The following FRMD5 variants were observed in gnomAD, a reference collection of about 807,000 sequenced individuals.
FRMD5 encodes FERM domain-containing protein 5.
FRMD5 carries 20 observed loss-of-function variants against 69.0 expected under a neutral mutation model. The observed-to-expected ratio is 0.29, with a 90% confidence interval of 0.20 to 0.42. The LOEUF is 0.42. Among genes scored for constraint, FRMD5 ranks in the 10% least tolerant of loss-of-function variants. The pLI, the probability that FRMD5 is intolerant of heterozygous loss-of-function variation, is 1.00. For missense variants in FRMD5, 595 were observed against 708.6 expected (o/e 0.84, Z 1.82); for synonymous variants, 271 against 260.1 (o/e 1.04, Z -0.40).
intron 1 of FRMD5, among the ~76,000 whole-genome samples, chr15:44,169,276 C>G (rs140399321): frequency 6.6e-6 from 1 of 151,974 alleles, no homozygotes; most frequent in Non-Finnish European, 1.5e-5. Context: ...CTATCTTCCA[C>G]AAGGAAAATG....
At chr15:44,183,536 C>A (rs536175610) in intron 1 of FRMD5, among the ~76,000 whole-genome samples, 7 of 152,244 alleles carry the variant, frequency 4.6e-5, no homozygotes, top group Admixed American at 1.3e-4. Flanking sequence ...ATACCCAGCA[C>A]CAGTGCACTG....
At chr15:44,156,206 T>C (rs1448684358) in intron 1 of FRMD5, among the ~76,000 whole-genome samples, 1 of 151,802 alleles carries the variant, frequency 6.6e-6, no homozygotes, top group Non-Finnish European at 1.5e-5. Context: ...TGCAGTGGCA[T>C]GATCTCGGCT....
At chr15:44,108,165 A>G (rs2076745708) in intron 1 of FRMD5, among the ~76,000 whole-genome samples, 1 of 152,206 alleles carries the variant, frequency 6.6e-6, no homozygotes, top group South Asian at 2.1e-4. Context: ...AGAAATTGTA[A>G]ATAGTCTGCT....
chr15:43,958,477 G>A (rs1201463656), intron 1 of FRMD5, among the ~76,000 whole-genome samples: 1 of 152,204 alleles, frequency 6.6e-6, no homozygotes, highest in Non-Finnish European at 1.5e-5. Context: ...CAGGAGCGCA[G>A]TGGCAACATC....
chr15:43,978,644 C>T (rs370867197), intron 1 of FRMD5, among the ~76,000 whole-genome samples: 5 of 152,132 alleles, frequency 3.3e-5, no homozygotes, highest in African/African-American at 7.2e-5. Flanking sequence ...CTTCACCTCC[C>T]GGGTTCAAGT....
intron 1 of FRMD5, among the ~76,000 whole-genome samples, chr15:44,093,065 A>G (rs2076497334): frequency 6.6e-6 from 1 of 150,690 alleles, no homozygotes; most frequent in Non-Finnish European, 1.5e-5. Context: ...CCGAGTAGCT[A>G]GGACTATAGG....
At chr15:44,069,520 A>G (rs1893444692) in intron 1 of FRMD5, among the ~76,000 whole-genome samples, 1 of 152,194 alleles carries the variant, frequency 6.6e-6, no homozygotes, top group African/African-American at 2.4e-5. Context: ...TCAACAACCT[A>G]CATTAATCTT....
intron 1 of FRMD5, among the ~76,000 whole-genome samples, chr15:44,113,539 C>T (rs538030053): frequency 1.3e-5 from 2 of 152,240 alleles, no homozygotes; most frequent in Admixed American, 1.3e-4. Context: ...TGGCATTTAT[C>T]CTTTGTGTTA....
At chr15:44,037,566 C>G (rs781619677) in intron 1 of FRMD5, among the ~76,000 whole-genome samples, 1 of 149,874 alleles carries the variant, frequency 6.7e-6, no homozygotes, top group Non-Finnish European at 1.5e-5. Context: ...CTCCCAGGTT[C>G]GAGCAATTCT....
At position 44,068,007 on chromosome 15, in the gene FRMD5, A is replaced by G. The variant is rs373789857; in HGVS notation, c.102+126946T>C. On this transcript the variant is annotated intron_variant, in intron 1 of 13. Transcript: ENST00000417257. ...CTCAACATCATTTATCATTAAAGAA[A>G]TGCAAATCAAAAACACAGTGAACTA... Among the ~76,000 whole-genome samples, 36 of 152,364 alleles carry G rather than the reference A, an allele frequency of 2.4e-4. No individual in the cohort carries two copies. In the East Asian group the frequency reaches 6.5e-3, roughly 28 times the overall value.
At chr15:43,981,768 T>C (rs902533709) in intron 1 of FRMD5, among the ~76,000 whole-genome samples, 3 of 152,250 alleles carry the variant, frequency 2.0e-5, no homozygotes, top group Non-Finnish European at 4.4e-5. Context: ...TTCTTCCTCA[T>C]TGTTTAGCAC....
At chr15:44,087,989 C>A (rs1476592058) in intron 1 of FRMD5, among the ~76,000 whole-genome samples, 1 of 152,136 alleles carries the variant, frequency 6.6e-6, no homozygotes, top group Non-Finnish European at 1.5e-5. Context: ...CCTGGACTTA[C>A]TCAAGGAGTC....
chr15:44,180,326 C>G (rs569939423), intron 1 of FRMD5, among the ~76,000 whole-genome samples: 2 of 151,896 alleles, frequency 1.3e-5, no homozygotes, highest in Non-Finnish European at 2.9e-5. Flanking sequence ...ACATATATTA[C>G]AAATTAAAGA....
chr15:43,931,352 C>G (rs1484679991), intron 1 of FRMD5, among the ~76,000 whole-genome samples: 1 of 152,128 alleles, frequency 6.6e-6, no homozygotes, highest in Non-Finnish European at 1.5e-5. Context: ...ATTTGTGAAG[C>G]TCATATTCTC....
At chr15:44,056,336 C>T (rs145496338) in intron 1 of FRMD5, among the ~76,000 whole-genome samples, 1,697 of 152,180 alleles carry the variant, frequency 0.011, 22 homozygotes, top group African/African-American at 0.038. Context: ...GAGAGTAGGG[C>T]AAATACAGTG....
At chr15:44,090,334 A>G (rs1453802526) in intron 1 of FRMD5, among the ~76,000 whole-genome samples, 4 of 152,148 alleles carry the variant, frequency 2.6e-5, no homozygotes, top group Non-Finnish European at 4.4e-5. Context: ...ATTTGTAACT[A>G]TATTTCAGAA....
chr15:44,053,523 G>C (rs1265387219), intron 1 of FRMD5, among the ~76,000 whole-genome samples: 1 of 152,136 alleles, frequency 6.6e-6, no homozygotes, highest in Non-Finnish European at 1.5e-5. Context: ...TGGCAGTGGA[G>C]ATGGAGAAAA....
At chr15:44,104,914 T>C (rs937364713) in intron 1 of FRMD5, among the ~76,000 whole-genome samples, 11 of 152,146 alleles carry the variant, frequency 7.2e-5, no homozygotes, top group African/African-American at 2.4e-4. Flanking sequence ...CATATATTTC[T>C]TTTTATTGGC....
intron 1 of FRMD5, among the ~76,000 whole-genome samples, chr15:43,991,914 C>T (rs1486006642): frequency 6.6e-6 from 1 of 152,102 alleles, no homozygotes; most frequent in Non-Finnish European, 1.5e-5. Context: ...TAGTAGGTTT[C>T]CAGAAGAAAA....
Sources: allele counts gnomAD v4.1 joint callset (sites outside exome capture counted in the v4.1 genomes callset), GRCh38; gene constraint gnomAD v4.1.1; transcripts MANE v1.5; gene names NCBI Gene and HGNC (gene_info 2026-07-23, HGNC 2026-07-21).